PKIG: variants seen among roughly 807,000 people sequenced by gnomAD.
PKIG encodes cAMP-dependent protein kinase inhibitor gamma, also known as protein kinase (cAMP-dependent, catalytic) inhibitor gamma.
In PKIG, 1 loss-of-function variant was observed where a neutral mutation model predicts 6.8. The observed-to-expected ratio is 0.15, with a 90% CI of 0.05 to 0.69. The LOEUF is 0.69. Ranked by LOEUF, PKIG falls within the 30% of genes least tolerant of loss-of-function variation. The probability of loss-of-function intolerance (pLI) is 0.82; values close to 1 mark genes in which losing one functional copy is unlikely to be tolerated. For missense variants in PKIG, 77 were observed against 104.0 expected (o/e 0.74, Z 1.13); for synonymous variants, 39 against 43.0 (o/e 0.91, Z 0.36).
rs1600911723 is a variant in PKIG, at chr20:44,618,483, G to C, written c.*119G>C. On this transcript the variant is annotated 3_prime_UTR_variant, in exon 4 of 4. Transcript: ENST00000372886. Reference sequence around the variant, plus strand: ...TCCATGTCCCAGATAAACCAGGCCAGACTGAGAAGGCTCCCCAGAGGCCTC... The same window carrying C: ...TCCATGTCCCAGATAAACCAGGCCACACTGAGAAGGCTCCCCAGAGGCCTC... 8 of 746,252 alleles carry C rather than the reference G, an allele frequency of 1.1e-5. No individual in the cohort carries two copies. The East Asian group carries it at 1.5e-4, about 14-fold the overall frequency. 46.2% of individuals were successfully genotyped at this position (746,252 alleles called of 1,614,324 possible). A position where few individuals can be genotyped will look rare whatever the true frequency, so the allele number is the denominator to read the frequency against.
At chr20:44,588,763 G>A (rs2065010924) in intron 1 of PKIG, among the ~76,000 whole-genome samples, 1 of 152,104 alleles carries the variant, frequency 6.6e-6, no homozygotes, top group African/African-American at 2.4e-5. Flanking sequence ...CTTATTTTCT[G>A]TATTCAGTTT....
At chr20:44,555,496 G>A (rs1041494409) in intron 1 of PKIG, among the ~76,000 whole-genome samples, 3 of 152,136 alleles carry the variant, frequency 2.0e-5, no homozygotes, top group South Asian at 2.1e-4. Flanking sequence ...GTATCTTTCT[G>A]TGTCTAAATT....
chr20:44,559,669 G>A (rs547935582), intron 1 of PKIG, among the ~76,000 whole-genome samples: 1 of 152,186 alleles, frequency 6.6e-6, no homozygotes, highest in East Asian at 1.9e-4. Context: ...ACTGGATGTT[G>A]GAAAACTTAA....
chr20:44,590,807 G>T (rs1017372315), intron 2 of PKIG, among the ~76,000 whole-genome samples: 1 of 152,226 alleles, frequency 6.6e-6, no homozygotes, highest in Non-Finnish European at 1.5e-5. Context: ...CTGTGCATCT[G>T]TCCATAAGCT....
At chr20:44,571,959 T>G (rs149428624) in intron 1 of PKIG, among the ~76,000 whole-genome samples, 10 of 149,602 alleles carry the variant, frequency 6.7e-5, no homozygotes, top group Non-Finnish European at 1.5e-4. Flanking sequence ...ACGTTCTCTT[T>G]GTAGGGCTTG....
chr20:44,548,224 A>G (rs2064634331), intron 1 of PKIG, among the ~76,000 whole-genome samples: 1 of 152,174 alleles, frequency 6.6e-6, no homozygotes, highest in South Asian at 2.1e-4. Flanking sequence ...CCACACAGGC[A>G]GTGGAATAAT....
At chr20:44,603,776 C>G (rs924248302) in intron 2 of PKIG, among the ~76,000 whole-genome samples, 1 of 152,170 alleles carries the variant, frequency 6.6e-6, no homozygotes, top group Non-Finnish European at 1.5e-5. Context: ...AAAGCTGTCT[C>G]CCTGCTGGAG....
chr20:44,579,622 CA>C (rs2064930231), upstream of PKIG, among the ~76,000 whole-genome samples: 1 of 152,202 alleles, frequency 6.6e-6, no homozygotes, highest in Admixed American at 6.5e-5. Flanking sequence ...GCTCAGTGCA[CA>C]GCTTGGCCCC....
chr20:44,593,411 A>ACG (rs1423841564), intron 2 of PKIG, among the ~76,000 whole-genome samples: 1 of 137,592 alleles, frequency 7.3e-6, no homozygotes, highest in East Asian at 2.1e-4. Context: ...ACACACACAC[A>ACG]CGACTATTAC....
intron 1 of PKIG, among the ~76,000 whole-genome samples, chr20:44,537,015 C>G (rs536658855): frequency 6.6e-6 from 1 of 152,238 alleles, no homozygotes; most frequent in Non-Finnish European, 1.5e-5. Context: ...CTGCAGCCTC[C>G]GCCTCCCAGG....
chr20:44,551,669 T>C (rs948375152), intron 1 of PKIG, among the ~76,000 whole-genome samples: 3 of 152,190 alleles, frequency 2.0e-5, no homozygotes, highest in Non-Finnish European at 4.4e-5. Flanking sequence ...TTCCAGAAAG[T>C]CCTCTAGCCA....
At chr20:44,539,563 C>T (rs963013482) in intron 1 of PKIG, among the ~76,000 whole-genome samples, 33 of 151,840 alleles carry the variant, frequency 2.2e-4, no homozygotes, top group Admixed American at 1.9e-3. Flanking sequence ...GGATTACAGG[C>T]GCCCACCACC....
At chr20:44,558,149 T>C (rs2123226690) in intron 1 of PKIG, among the ~76,000 whole-genome samples, 1 of 152,344 alleles carries the variant, frequency 6.6e-6, no homozygotes, top group South Asian at 2.1e-4. Context: ...TATTTAGATA[T>C]ACTTGAGTCC....
At chr20:44,580,297 GCTCT>G, upstream of PKIG, among the ~76,000 whole-genome samples, 1 of 152,186 alleles carries the variant, frequency 6.6e-6, no homozygotes, top group Non-Finnish European at 1.5e-5. Flanking sequence ...GTGAACGGCT[GCTCT>G]CTGTGGGTTA....
intron 2 of PKIG, among the ~76,000 whole-genome samples, chr20:44,607,920 G>A (rs2065181373): frequency 1.3e-5 from 2 of 151,984 alleles, no homozygotes; most frequent in Admixed American, 6.6e-5. Context: ...TCTTGACCTC[G>A]TGATCCACAC....
intron 1 of PKIG, among the ~76,000 whole-genome samples, chr20:44,556,142 A>G (rs1163748301): frequency 6.6e-6 from 1 of 152,078 alleles, no homozygotes; most frequent in African/African-American, 2.4e-5. Flanking sequence ...CCCAGCCTAG[A>G]GACCTAATTT....
At chr20:44,612,967 T>C (rs1193190154) in intron 2 of PKIG, among the ~76,000 whole-genome samples, 3 of 152,144 alleles carry the variant, frequency 2.0e-5, no homozygotes, top group Non-Finnish European at 4.4e-5. Flanking sequence ...ACAAAATTCA[T>C]GTGGAGGGAG....
At chr20:44,590,247 G>A (rs2065023789) in intron 2 of PKIG, among the ~76,000 whole-genome samples, 1 of 152,192 alleles carries the variant, frequency 6.6e-6, no homozygotes. Flanking sequence ...TTGCTGTAAA[G>A]CTGTTTTCAC....
intron 1 of PKIG, among the ~76,000 whole-genome samples, chr20:44,572,606 G>C (rs1338429010): frequency 6.6e-6 from 1 of 152,130 alleles, no homozygotes; most frequent in South Asian, 2.1e-4. Flanking sequence ...AATTGTCCAG[G>C]AGCAAAGCAC....
Sources: allele counts gnomAD v4.1 joint callset (sites outside exome capture counted in the v4.1 genomes callset), GRCh38; gene constraint gnomAD v4.1.1; transcripts MANE v1.5; gene names NCBI Gene and HGNC (gene_info 2026-07-23, HGNC 2026-07-21).